The following ADGRL2 variants were observed in gnomAD, a reference collection of about 807,000 sequenced individuals.
ADGRL2 encodes calcium-independent alpha-latrotoxin receptor 2.
Under a neutral mutation model 157.4 loss-of-function variants are expected in ADGRL2, and 44 were observed. That is an observed-to-expected ratio of 0.28 (90% confidence interval 0.22 to 0.36). The LOEUF is 0.36. ADGRL2 is among the 10% of genes least tolerant of loss of function. The probability of loss-of-function intolerance (pLI) is 1.00; values close to 1 mark genes in which losing one functional copy is unlikely to be tolerated. For missense variants in ADGRL2, 1,510 were observed against 1,768.9 expected (o/e 0.85, Z 2.63); for synonymous variants, 585 against 624.7 (o/e 0.94, Z 0.95).
intron 3 of ADGRL2, among the ~76,000 whole-genome samples, chr1:81,590,067 G>C (rs1383756308): frequency 6.6e-6 from 1 of 152,096 alleles, no homozygotes; most frequent in Admixed American, 6.6e-5. Flanking sequence ...GATTCCCTTT[G>C]TTCCAGTGTG....
intron 17 of ADGRL2, among the ~76,000 whole-genome samples, chr1:81,975,129 C>A (rs1025782691): frequency 6.6e-6 from 1 of 151,938 alleles, no homozygotes; most frequent in Non-Finnish European, 1.5e-5. Context: ...AAATCTGATT[C>A]TTGAATGAGT....
chr1:81,675,762 A>G (rs776052789), intron 3 of ADGRL2, among the ~76,000 whole-genome samples: 9 of 151,568 alleles, frequency 5.9e-5, no homozygotes, highest in African/African-American at 1.9e-4. Flanking sequence ...TTCTATTTTT[A>G]GTAGAGACAG....
At chr1:81,309,719 C>T (rs1659607928) in intron 1 of ADGRL2, among the ~76,000 whole-genome samples, 1 of 152,092 alleles carries the variant, frequency 6.6e-6, no homozygotes. Context: ...TTGTCTTTTA[C>T]CTCAAGGAGT....
intron 1 of ADGRL2, among the ~76,000 whole-genome samples, chr1:81,342,098 T>TA (rs1662115706): frequency 6.6e-6 from 1 of 152,184 alleles, no homozygotes; most frequent in South Asian, 2.1e-4. Context: ...AAGATTTTTT[T>TA]GGATCCTGCT....
chr1:81,397,065 T>C (rs2076667791), intron 1 of ADGRL2, among the ~76,000 whole-genome samples: 1 of 152,196 alleles, frequency 6.6e-6, no homozygotes, highest in Non-Finnish European at 1.5e-5. Flanking sequence ...CATTCTCCTT[T>C]AAATCTTTGG....
intron 2 of ADGRL2, among the ~76,000 whole-genome samples, chr1:81,572,316 C>G (rs1214252883): frequency 6.6e-6 from 1 of 152,202 alleles, no homozygotes; most frequent in Non-Finnish European, 1.5e-5. Flanking sequence ...TGTTCATTCA[C>G]TCATCCAAAC....
chr1:81,531,611 T>C (rs938505435), intron 2 of ADGRL2, among the ~76,000 whole-genome samples: 27 of 152,322 alleles, frequency 1.8e-4, no homozygotes, highest in African/African-American at 6.5e-4. Flanking sequence ...CACGTCTTAA[T>C]GAGCCACTCT....
intron 1 of ADGRL2, among the ~76,000 whole-genome samples, chr1:81,360,808 T>C (rs1439128752): frequency 1.3e-5 from 2 of 151,946 alleles, no homozygotes; most frequent in Non-Finnish European, 2.9e-5. Context: ...AAACAACAAG[T>C]TGGCATCCTT....
At chr1:81,473,775 A>G (rs1015132267) in intron 2 of ADGRL2, among the ~76,000 whole-genome samples, 3 of 151,604 alleles carry the variant, frequency 2.0e-5, no homozygotes, top group Non-Finnish European at 4.4e-5. Flanking sequence ...TGGGCAAGGG[A>G]TGTGAGGTTT....
At chr1:81,589,507 A>G (rs903453864) in intron 3 of ADGRL2, among the ~76,000 whole-genome samples, 1 of 152,170 alleles carries the variant, frequency 6.6e-6, no homozygotes, top group Admixed American at 6.5e-5. Flanking sequence ...TGCCCTAGTA[A>G]ATATATCACA....
intron 2 of ADGRL2, among the ~76,000 whole-genome samples, chr1:81,505,744 A>G (rs2078960232): frequency 6.9e-6 from 1 of 144,664 alleles, no homozygotes. Context: ...CTCCTGCAAA[A>G]AAAAAAAAAA....
chr1:81,402,383 C>T (rs572873763), intron 1 of ADGRL2, among the ~76,000 whole-genome samples: 1 of 152,298 alleles, frequency 6.6e-6, no homozygotes, highest in East Asian at 1.9e-4. Context: ...TGATTAATCA[C>T]ATACAAGTTC....
chr1:81,502,610 G>A lies in ADGRL2; in HGVS notation c.-248+57521G>A, dbSNP rs910422424. 5.6e-6 allele frequency: 9 copies of A among 1,613,882 alleles called. No homozygotes were observed. In the African/African-American group the frequency reaches 6.7e-5, roughly 12 times the overall value. Reference sequence around the variant, plus strand: ...GAAGATCTGGAGGGAGATCACCAAAGGCCTAAACCTGCCCACATCCATCAC... The same window carrying A: ...GAAGATCTGGAGGGAGATCACCAAAAGCCTAAACCTGCCCACATCCATCAC... On this transcript the variant is annotated intron_variant, in intron 2 of 24. Coordinates refer to the ADGRL2 transcript ENST00000370721.
chr1:81,599,216 T>G (rs559104090), intron 3 of ADGRL2, among the ~76,000 whole-genome samples: 384 of 152,180 alleles, frequency 2.5e-3, no homozygotes, highest in African/African-American at 8.7e-3. Context: ...ACCCCAACAC[T>G]CATATTTTTG....
At chr1:81,606,025 T>G (rs1570620882) in intron 3 of ADGRL2, among the ~76,000 whole-genome samples, 2 of 152,170 alleles carry the variant, frequency 1.3e-5, no homozygotes, top group African/African-American at 4.8e-5. Flanking sequence ...TGTCACTTTT[T>G]TTAACAAGTA....
chr1:81,607,533 A>G (rs1025593354), intron 3 of ADGRL2, among the ~76,000 whole-genome samples: 1 of 151,650 alleles, frequency 6.6e-6, no homozygotes, highest in African/African-American at 2.4e-5. Context: ...AATGGCAATT[A>G]GTGAGGCCAA....
rs886909990 is a variant in ADGRL2 at position 81,837,903 on chromosome 1, T to G, written c.73+846T>G. Among the ~76,000 whole-genome samples, 3 of 151,946 alleles carry G rather than the reference T, an allele frequency of 2.0e-5. No homozygotes were observed. The East Asian group carries it at 5.8e-4, about 29-fold the overall frequency. On this transcript the variant is annotated intron_variant, in intron 2 of 23. Coordinates refer to ENST00000686636, the MANE Select transcript of ADGRL2 (RefSeq NM_001366006.2). ...TTTTATAGCTAGTTGATAGTGGCAG[T>G]TATTGGCACGAAAATGTATTAATCT...
chr1:81,448,287 A>G (rs761168447), intron 2 of ADGRL2, among the ~76,000 whole-genome samples: 1 of 151,012 alleles, frequency 6.6e-6, no homozygotes, highest in Non-Finnish European at 1.5e-5. Flanking sequence ...CTGGGATTAC[A>G]GGTATACGCC....
At position 81,970,301 on chromosome 1, in the gene ADGRL2, T is replaced by C. The variant is rs755150964; in HGVS notation, c.2734-13T>C. On this transcript the variant is annotated splice_polypyrimidine_tract_variant and intron_variant, in intron 15 of 23. Coordinates refer to ENST00000686636, the MANE Select transcript of ADGRL2 (RefSeq NM_001366006.2). ...GAGTTTTCTTTTGTGTTTTTTGTTC[T>C]TTTCCCCCGTAGATTGCATGCCCAA... 2 of 1,597,172 alleles carry C rather than the reference T, an allele frequency of 1.3e-6. No individual in the cohort carries two copies. Among genetic ancestry groups the C allele is most frequent in the African/African-American group, 2.7e-5 (2 of 74,340 alleles).
Sources: allele counts gnomAD v4.1 joint callset (sites outside exome capture counted in the v4.1 genomes callset), GRCh38; gene constraint gnomAD v4.1.1; transcripts MANE v1.5; gene names NCBI Gene and HGNC (gene_info 2026-07-23, HGNC 2026-07-21).